The following ZNF407 variants were observed in gnomAD, a reference collection of about 807,000 sequenced individuals.
ZNF407 encodes the protein zinc finger protein 407.
ZNF407 carries 17 observed loss-of-function variants against 131.2 expected under a neutral mutation model. The observed-to-expected ratio is 0.13, with a 90% CI of 0.09 to 0.19. The LOEUF (loss-of-function observed/expected upper bound fraction) is 0.19, where lower values mean the gene tolerates loss of function less well. Ranked by LOEUF, ZNF407 falls within the 10% of genes least tolerant of loss-of-function variation. The pLI is 1.00. For synonymous variants in ZNF407, 1,156 were observed against 1,062.0 expected (o/e 1.09, Z -1.72); for missense variants, 2,681 against 2,830.6 (o/e 0.95, Z 1.20).
At chr18:74,733,829 C>G (rs1002848109) in intron 3 of ZNF407, among the ~76,000 whole-genome samples, 9 of 152,170 alleles carry the variant, frequency 5.9e-5, no homozygotes, top group Non-Finnish European at 1.0e-4. Flanking sequence ...AAGACATCAT[C>G]CTGCAGTTGA....
At chr18:74,795,259 G>A (rs937425276) in intron 4 of ZNF407, among the ~76,000 whole-genome samples, 1 of 152,102 alleles carries the variant, frequency 6.6e-6, no homozygotes, top group African/African-American at 2.4e-5. Flanking sequence ...AAATAAACTT[G>A]CATATATAGC....
intron 8 of ZNF407, among the ~76,000 whole-genome samples, chr18:74,926,135 G>A (rs528079689): frequency 6.6e-6 from 1 of 152,224 alleles, no homozygotes; most frequent in South Asian, 2.1e-4. Context: ...TCATACTCCT[G>A]TCCAAATACT....
chr18:74,938,540 A>G (rs920814042), intron 8 of ZNF407, among the ~76,000 whole-genome samples: 1 of 151,576 alleles, frequency 6.6e-6, no homozygotes, highest in Non-Finnish European at 1.5e-5. Flanking sequence ...TTATCCATTT[A>G]CTCGTGTACC....
At chr18:74,974,180 T>C (rs1330524375) in intron 8 of ZNF407, among the ~76,000 whole-genome samples, 1 of 152,178 alleles carries the variant, frequency 6.6e-6, no homozygotes, top group Non-Finnish European at 1.5e-5. Flanking sequence ...TCGAATCCTG[T>C]GTATCCTTCG....
At chr18:75,061,200 C>G (rs1370902855) in intron 8 of ZNF407, 1 of 152,124 alleles carries the variant, frequency 6.6e-6, no homozygotes, top group African/African-American at 2.4e-5. Flanking sequence ...GGTTAAAAGA[C>G]GCTGTTAAGA....
chr18:74,881,030 C>A lies in ZNF407; in HGVS notation c.5045-6C>A. On this transcript the variant is annotated splice_polypyrimidine_tract_variant and splice_region_variant and intron_variant, in intron 5 of 8. Coordinates refer to ENST00000299687, the MANE Select transcript of ZNF407 (RefSeq NM_017757.3). ...GCAGTCCCTCATCTGTTTGTTGTTG[C>A]AACAGGCGAGAAGTCGTTTCTGTGT... is the stretch of plus-strand genomic sequence containing the variant. 1.3e-6 allele frequency: 2 copies of A among 1,588,020 alleles called. No homozygotes were observed. The highest frequency in any genetic ancestry group is 1.7e-6 in the Non-Finnish European group (2 of 1,166,318).
Position 74,899,418 on chromosome 18 carries a change from C to T in ZNF407, c.5249+9380C>T, listed in dbSNP as rs987629344. 4.0e-4 allele frequency among the ~76,000 whole-genome samples: 61 copies of T among 152,180 alleles called. 1 individual carries two copies. Among genetic ancestry groups the T allele is most frequent in the Middle Eastern group, 6.8e-3 (2 of 294 alleles). ...TGACAGAGAGCTGCACGCCATCCTT[C>T]GGGTGTGCTGGTCAGGGCTGCTGGG... On this transcript the variant is annotated intron_variant, in intron 7 of 8. Coordinates refer to ENST00000299687, the MANE Select transcript of ZNF407 (RefSeq NM_017757.3).
intron 7 of ZNF407, among the ~76,000 whole-genome samples, chr18:74,902,669 T>C (rs1971543435): frequency 6.6e-6 from 1 of 152,222 alleles, no homozygotes; most frequent in Non-Finnish European, 1.5e-5. Context: ...TTTGGAATTA[T>C]AAAAGGTTTA....
At chr18:74,783,172 C>A (rs1351650894) in intron 4 of ZNF407, among the ~76,000 whole-genome samples, 5 of 151,944 alleles carry the variant, frequency 3.3e-5, no homozygotes, top group Admixed American at 3.3e-4. Context: ...CATTATTATT[C>A]CAGTTTTATA....
At position 74,633,189 on chromosome 18, in the gene ZNF407, A is replaced by G. The variant is rs1329500847; in HGVS notation, c.2170A>G (p.Ile724Val). 4 of 1,613,778 alleles carry G rather than the reference A, an allele frequency of 2.5e-6. No homozygotes were observed. The highest frequency in any genetic ancestry group is 3.4e-6 in the Non-Finnish European group (4 of 1,179,800). Reference sequence around the variant, plus strand: ...ATCTTCTACTGTTCTCACGAGACATATAAAGCTTCGGCATGGTCAAGACTA... The same window carrying G: ...ATCTTCTACTGTTCTCACGAGACATGTAAAGCTTCGGCATGGTCAAGACTA... ...TRSSTVLTRH[I>V]KLRHGQDYHF... Residue 724 changes from isoleucine to valine, a missense_variant, in exon 2 of 9, where the codon ATA (isoleucine) becomes GTA (valine). Ile to Val is a conservative substitution (Grantham distance 29, BLOSUM62 3). Transcript: ENST00000299687.
chr18:74,781,627 CTTT>C, intron 4 of ZNF407, 125 bp downstream of exon 4: 1 of 645,092 alleles, frequency 1.6e-6, no homozygotes, highest in Non-Finnish European at 2.4e-6. Flanking sequence ...TTGTGGTACT[CTTT>C]TGTCAAATAT....
chr18:74,611,911 C>T (rs564504042), intron 1 of ZNF407, among the ~76,000 whole-genome samples: 20 of 152,278 alleles, frequency 1.3e-4, no homozygotes, highest in Admixed American at 1.2e-3. Context: ...TAGAGAAACT[C>T]ATGCGCATGA....
At chr18:74,686,396 G>A (rs1368261272) in intron 3 of ZNF407, among the ~76,000 whole-genome samples, 1 of 152,096 alleles carries the variant, frequency 6.6e-6, no homozygotes, top group Non-Finnish European at 1.5e-5. Context: ...CCCAGAATGA[G>A]GTTTTTATCC....
rs1301285537 is a variant in ZNF407 at position 74,948,644 on chromosome 18, C to T, written c.5428+27952C>T. ...TTATATTTCTTAAAAAAATAATTCTCTCTCATCACATCCATATGACATCAA... is the reference window on the plus strand; with the variant it reads ...TTATATTTCTTAAAAAAATAATTCTTTCTCATCACATCCATATGACATCAA... On this transcript the variant is annotated intron_variant, in intron 8 of 8. Transcript: ENST00000299687. Among the ~76,000 whole-genome samples the T allele has an allele frequency of 5.3e-5, 8 of 152,156 alleles. No individual in the cohort carries two copies. The East Asian group carries it at 1.3e-3, about 26-fold the overall frequency.
At chr18:74,669,777 A>G (rs1174271607) in intron 3 of ZNF407, among the ~76,000 whole-genome samples, 1 of 152,222 alleles carries the variant, frequency 6.6e-6, no homozygotes, top group Non-Finnish European at 1.5e-5. Flanking sequence ...GCCTGGTTAG[A>G]GTAGAATTTT....
chr18:75,021,791 G>A (rs1568303395), intron 8 of ZNF407, among the ~76,000 whole-genome samples: 1 of 151,848 alleles, frequency 6.6e-6, no homozygotes, highest in Non-Finnish European at 1.5e-5. Flanking sequence ...ATTCTGATGA[G>A]AGAACTTTCT....
intron 3 of ZNF407, among the ~76,000 whole-genome samples, chr18:74,743,143 A>G (rs889137781): frequency 6.6e-6 from 1 of 152,196 alleles, no homozygotes; most frequent in African/African-American, 2.4e-5. Flanking sequence ...GTTAACCAAA[A>G]TAGAGAACGC....
chr18:74,601,712 C>T (rs1274292998), intron 1 of ZNF407, among the ~76,000 whole-genome samples: 1 of 152,042 alleles, frequency 6.6e-6, no homozygotes, highest in Non-Finnish European at 1.5e-5. Context: ...CATGGGAACT[C>T]ACTCACCATC....
At chr18:74,650,740 A>G (rs930949394) in intron 3 of ZNF407, among the ~76,000 whole-genome samples, 1 of 152,060 alleles carries the variant, frequency 6.6e-6, no homozygotes, top group Admixed American at 6.6e-5. Flanking sequence ...ATTGTTTGTT[A>G]CCCCAAAGAA....
Sources: allele counts gnomAD v4.1 joint callset (sites outside exome capture counted in the v4.1 genomes callset), GRCh38; gene constraint gnomAD v4.1.1; transcripts MANE v1.5; gene names NCBI Gene and HGNC (gene_info 2026-07-23, HGNC 2026-07-21).